Variants in IGSF10 observed in about 807,000 individuals in gnomAD.
IGSF10 encodes the protein calvaria mechanical force protein 608.
A neutral mutation model predicts 128.2 loss-of-function variants in IGSF10; 126 were observed. The ratio of observed to expected loss-of-function variants is 0.98; its 90% confidence interval spans 0.85 to 1.14. The LOEUF is 1.14. IGSF10 is among the 50% of genes most tolerant of loss of function. IGSF10 has a pLI of 0.00. For synonymous variants in IGSF10, 1,185 were observed against 1,146.2 expected, an observed-to-expected ratio of 1.03 and a Z score of -0.68; for missense variants, 3,295 against 3,149.8, an observed-to-expected ratio of 1.05 and a Z score of -1.10.
chr3:151,537,047 A>G, the IGSF10 span, among the ~76,000 whole-genome samples: 1 of 152,174 alleles, frequency 6.6e-6, no homozygotes, highest in Admixed American at 6.5e-5. Flanking sequence ...ATTCTTTCCA[A>G]TAACAATATT....
At chr3:151,569,614 G>T in the IGSF10 span, among the ~76,000 whole-genome samples, 2 of 152,046 alleles carry the variant, frequency 1.3e-5, no homozygotes, top group African/African-American at 4.8e-5. Context: ...TTAAAATGCA[G>T]CCACAAAGTC....
At chr3:151,486,783 C>T in the IGSF10 span, among the ~76,000 whole-genome samples, 1 of 151,902 alleles carries the variant, frequency 6.6e-6, no homozygotes, top group African/African-American at 2.4e-5. Flanking sequence ...TTTTTGAAAC[C>T]AATAAGAACA....
chr3:151,477,076 G>T, the IGSF10 span, among the ~76,000 whole-genome samples: 11,740 of 152,198 alleles, frequency 0.077, 688 homozygotes, highest in African/African-American at 0.16. Context: ...ACTAACGTTG[G>T]TTGTAAGAAT....
Position 151,448,999 on chromosome 3 carries a change from C to T in IGSF10, c.982G>A (p.Ala328Thr). 3 of 1,614,200 alleles carry T rather than the reference C, an allele frequency of 1.9e-6. No individual in the cohort carries two copies. Among genetic ancestry groups the T allele is most frequent in the Non-Finnish European group, 1.7e-6 (2 of 1,180,024 alleles). The change falls in exon 6 of 8, where the codon GCT (alanine) becomes ACT (threonine). Residue 328 changes from alanine to threonine, a missense_variant. Physicochemically the swap from Ala to Thr is moderately conservative, Grantham distance 58. Coordinates refer to ENST00000282466, the MANE Select transcript of IGSF10 (RefSeq NM_178822.5). The stretch of plus-strand genomic sequence containing the variant: ...TTTTGAATACTGCAGACCATGTTAG[C>T]TTCATTTCCAGACTGATCTGTCATA... ...LNMTDQSGNE[A>T]NMVCSIQKPS...
chr3:151,456,744 A>C (rs1024316942), intron 4 of IGSF10, among the ~76,000 whole-genome samples: 11 of 152,230 alleles, frequency 7.2e-5, no homozygotes, highest in Non-Finnish European at 1.5e-4. Flanking sequence ...ACATGACTAG[A>C]AGTGTCCTTT....
At chr3:151,614,787 G>T in the IGSF10 span, among the ~76,000 whole-genome samples, 60 of 151,442 alleles carry the variant, frequency 4.0e-4, no homozygotes, top group Non-Finnish European at 5.9e-4. Context: ...AAACCTGCAC[G>T]TTGTGCACAT....
chr3:151,472,083 T>A, the IGSF10 span, among the ~76,000 whole-genome samples: 5 of 152,122 alleles, frequency 3.3e-5, no homozygotes, highest in Non-Finnish European at 7.4e-5. Flanking sequence ...AATGATCCAA[T>A]TATGAAAAAA....
chr3:151,459,540 A>G (rs758646581), intron 2 of IGSF10, among the ~76,000 whole-genome samples: 15 of 152,200 alleles, frequency 9.9e-5, no homozygotes, highest in Non-Finnish European at 2.2e-4. Context: ...GACCCTGTGC[A>G]GGCATGATGC....
the IGSF10 span, among the ~76,000 whole-genome samples, chr3:151,609,790 G>T: frequency 2.6e-5 from 4 of 152,076 alleles, no homozygotes; most frequent in Non-Finnish European, 1.5e-5. Context: ...CAAAACATTG[G>T]ATATACATGT....
At chr3:151,460,239 AT>A in intron 2 of IGSF10, 21 bp downstream of exon 2, 1 of 753,858 alleles carries the variant, frequency 1.3e-6, no homozygotes, top group African/African-American at 1.9e-5. Flanking sequence ...AATGTACATA[AT>A]GAAATAGGAA....
chr3:151,484,262 C>A, the IGSF10 span, among the ~76,000 whole-genome samples: 1 of 152,212 alleles, frequency 6.6e-6, no homozygotes, highest in East Asian at 1.9e-4. Context: ...TCCTTCCTCT[C>A]AGAGCTGGGC....
downstream of IGSF10, chr3:151,435,971 A>AAGTT (rs1262047237): frequency 1.8e-4 from 28 of 152,326 alleles, no homozygotes; most frequent in African/African-American, 6.0e-4. Flanking sequence ...CTAGATTTTA[A>AAGTT]AGTTATAAAG....
the IGSF10 span, among the ~76,000 whole-genome samples, chr3:151,503,901 A>C: frequency 6.6e-6 from 1 of 151,914 alleles, no homozygotes; most frequent in Non-Finnish European, 1.5e-5. Flanking sequence ...ATGGGATCGC[A>C]GAACTGGTTG....
chr3:151,438,858 A>ATG (rs1720651679), intron 7 of IGSF10, among the ~76,000 whole-genome samples: 1 of 86,532 alleles, frequency 1.2e-5, no homozygotes, highest in Non-Finnish European at 3.1e-5. Flanking sequence ...TGAGGTATAT[A>ATG]TATATATAGA....
chr3:151,468,849 T>C, the IGSF10 span, among the ~76,000 whole-genome samples: 1 of 152,204 alleles, frequency 6.6e-6, no homozygotes, highest in African/African-American at 2.4e-5. Flanking sequence ...AGGTATTAAG[T>C]CCTGCACCCA....
the IGSF10 span, among the ~76,000 whole-genome samples, chr3:151,510,509 G>A: frequency 2.0e-3 from 299 of 152,020 alleles, 3 homozygotes; most frequent in African/African-American, 6.9e-3. Flanking sequence ...CCACAAAGAC[G>A]GGGAAAAAAC....
the IGSF10 span, among the ~76,000 whole-genome samples, chr3:151,526,301 C>T: frequency 2.6e-5 from 4 of 151,606 alleles, no homozygotes; most frequent in South Asian, 2.1e-4. Flanking sequence ...GAGGCCAGAC[C>T]TTTCTTCTTG....
At chr3:151,477,052 G>C in the IGSF10 span, among the ~76,000 whole-genome samples, 1 of 152,204 alleles carries the variant, frequency 6.6e-6, no homozygotes, top group Admixed American at 6.5e-5. Flanking sequence ...AGGCATTCTG[G>C]GGTATGGAGT....
rs142668910 is a variant in IGSF10 at position 151,449,106 on chromosome 3, C to T, written c.875G>A (p.Ser292Asn). ...PTIDSSLKSK[S>N]LTILEDSSSA... ...ACTACTGTCTTCCAGAATAGTCAGGCTCTTTGATTTCAGGGATGAGTCAAT... is the reference window on the plus strand; with the variant it reads ...ACTACTGTCTTCCAGAATAGTCAGGTTCTTTGATTTCAGGGATGAGTCAAT... Residue 292 changes from serine (S) to asparagine (N), a missense_variant, in exon 6 of 8, where the codon AGC becomes AAC. Transcript: ENST00000282466. 1,379 of 1,614,050 alleles carry T rather than the reference C, an allele frequency of 8.5e-4. 2 individuals carry two copies. Among genetic ancestry groups the T allele is most frequent in the Non-Finnish European group, 9.4e-4 (1,106 of 1,180,036 alleles).
Sources: gnomAD v4.1 joint callset for allele counts (sites outside exome capture counted in the v4.1 genomes callset) on GRCh38, gnomAD v4.1.1 for gene constraint, MANE v1.5 for transcripts, NCBI Gene and HGNC (gene_info 2026-07-23, HGNC 2026-07-21) for gene names.